The following PTPRD variants were observed in gnomAD, a reference collection of about 807,000 sequenced individuals.
The protein encoded by PTPRD is protein tyrosine phosphatase receptor type D.
Under a neutral mutation model 214.5 loss-of-function variants are expected in PTPRD, and 34 were observed. The observed-to-expected ratio is 0.16, with a 90% CI of 0.12 to 0.21. PTPRD has a LOEUF of 0.21. Among genes scored for constraint, PTPRD ranks in the 10% least tolerant of loss-of-function variants. PTPRD has a pLI of 1.00. For missense variants in PTPRD, 2,545 were observed against 2,398.7 expected (o/e 1.06, Z -1.27); for synonymous variants, 1,128 against 845.7 (o/e 1.33, Z -5.79).
chr9:10,169,017 C>G (rs568201856), intron 3 of PTPRD, among the ~76,000 whole-genome samples: 4 of 152,148 alleles, frequency 2.6e-5, no homozygotes, highest in African/African-American at 7.2e-5. Flanking sequence ...GGAAATAATT[C>G]ATCCTAAAAA....
chr9:8,774,683 C>T (rs1046119588), intron 11 of PTPRD, among the ~76,000 whole-genome samples: 4 of 151,820 alleles, frequency 2.6e-5, no homozygotes, highest in South Asian at 2.1e-4. Flanking sequence ...TACAGGCATG[C>T]GCCACCACAC....
At chr9:9,567,344 T>A (rs1428040739) in intron 8 of PTPRD, among the ~76,000 whole-genome samples, 1 of 151,906 alleles carries the variant, frequency 6.6e-6, no homozygotes, top group Non-Finnish European at 1.5e-5. Context: ...AACATAGGTA[T>A]GCCGGTCTCA....
chr9:9,121,382 A>G (rs1364999426), intron 10 of PTPRD, among the ~76,000 whole-genome samples: 1 of 152,194 alleles, frequency 6.6e-6, no homozygotes, highest in African/African-American at 2.4e-5. Context: ...ACGCATGTTT[A>G]TAGCAGCACA....
intron 11 of PTPRD, among the ~76,000 whole-genome samples, chr9:8,940,536 A>T (rs2099027211): frequency 6.9e-6 from 1 of 144,858 alleles, no homozygotes; most frequent in African/African-American, 2.6e-5. Flanking sequence ...CAGGTGATCC[A>T]CCTGCCCTTG....
intron 35 of PTPRD, among the ~76,000 whole-genome samples, chr9:8,407,208 C>T (rs1169108117): frequency 6.6e-6 from 1 of 152,052 alleles, no homozygotes; most frequent in Non-Finnish European, 1.5e-5. Flanking sequence ...GAGATGAAGA[C>T]CAACAAATAA....
At chr9:8,529,929 G>C (rs2075253190) in intron 14 of PTPRD, among the ~76,000 whole-genome samples, 2 of 152,116 alleles carry the variant, frequency 1.3e-5, no homozygotes, top group Admixed American at 6.5e-5. Flanking sequence ...TTCCAATTGA[G>C]TCTGGCATTG....
chr9:10,145,735 A>C (rs554023747), intron 3 of PTPRD, among the ~76,000 whole-genome samples: 97 of 152,216 alleles, frequency 6.4e-4, no homozygotes, highest in Non-Finnish European at 1.2e-3. Context: ...AAACACATAT[A>C]CTACACGTAT....
chr9:8,874,646 C>T (rs1228875745), intron 11 of PTPRD, among the ~76,000 whole-genome samples: 1 of 152,106 alleles, frequency 6.6e-6, no homozygotes. Flanking sequence ...ATGGAAATTG[C>T]ATTGGAGTTG....
At chr9:8,401,884 T>C (rs919226740) in intron 36 of PTPRD, among the ~76,000 whole-genome samples, 3 of 152,094 alleles carry the variant, frequency 2.0e-5, no homozygotes, top group East Asian at 1.9e-4. Flanking sequence ...GTTAGTAACA[T>C]TGGTTGGAAC....
intron 3 of PTPRD, among the ~76,000 whole-genome samples, chr9:10,167,971 C>G (rs532024438): frequency 1.3e-5 from 2 of 152,178 alleles, no homozygotes; most frequent in Admixed American, 6.5e-5. Flanking sequence ...TCAATCTGAA[C>G]TGTATGGACA....
chr9:10,067,099 C>G (rs1202521700), intron 3 of PTPRD, among the ~76,000 whole-genome samples: 1 of 151,896 alleles, frequency 6.6e-6, no homozygotes, highest in Non-Finnish European at 1.5e-5. Context: ...CAAGTAAGTA[C>G]TAATGGATGG....
At chr9:9,471,032 G>T (rs926886278) in intron 8 of PTPRD, among the ~76,000 whole-genome samples, 6 of 152,240 alleles carry the variant, frequency 3.9e-5, no homozygotes, top group African/African-American at 1.4e-4. Context: ...GAAATATCAG[G>T]TTGTAACATG....
chr9:9,939,454 C>A (rs1311837258), intron 4 of PTPRD, among the ~76,000 whole-genome samples: 1 of 152,130 alleles, frequency 6.6e-6, no homozygotes. Context: ...GAGTTTGTTG[C>A]TGAACTGAAT....
chr9:9,180,992 A>T (rs185111942), intron 10 of PTPRD, among the ~76,000 whole-genome samples: 1 of 152,224 alleles, frequency 6.6e-6, no homozygotes, highest in Admixed American at 6.6e-5. Flanking sequence ...GCACTTTTGG[A>T]CTTGGCTCAG....
intron 10 of PTPRD, among the ~76,000 whole-genome samples, chr9:9,102,731 G>A (rs1417170615): frequency 5.3e-5 from 8 of 152,326 alleles, no homozygotes; most frequent in Middle Eastern, 3.4e-3. Flanking sequence ...ACTGTTATAA[G>A]TGACCCTGAT....
At chr9:8,444,114 G>A (rs1368519786) in intron 34 of PTPRD, among the ~76,000 whole-genome samples, 1 of 152,092 alleles carries the variant, frequency 6.6e-6, no homozygotes, top group African/African-American at 2.4e-5. Flanking sequence ...TGTCTGACAT[G>A]CAGAAATAGC....
chr9:9,689,457 G>T (rs1242838858), intron 7 of PTPRD, among the ~76,000 whole-genome samples: 2 of 151,684 alleles, frequency 1.3e-5, no homozygotes, highest in Admixed American at 6.6e-5. Flanking sequence ...ATATATCTAT[G>T]ATCTTAAATA....
chr9:10,275,261 G>C (rs10958995), intron 3 of PTPRD, among the ~76,000 whole-genome samples: 8,067 of 152,142 alleles, frequency 0.053, 243 homozygotes, highest in Middle Eastern at 0.092. Flanking sequence ...AGTTTCTTAA[G>C]TAAAGGAAAC....
At chr9:8,984,860 T>A (rs143948197) in intron 11 of PTPRD, among the ~76,000 whole-genome samples, 53 of 152,254 alleles carry the variant, frequency 3.5e-4, no homozygotes, top group Non-Finnish European at 7.2e-4. Flanking sequence ...TCTCTTTAAT[T>A]CTTTTAACAT....
Sources: gnomAD v4.1 joint callset for allele counts (sites outside exome capture counted in the v4.1 genomes callset) on GRCh38, gnomAD v4.1.1 for gene constraint, MANE v1.5 for transcripts, NCBI Gene and HGNC (gene_info 2026-07-23, HGNC 2026-07-21) for gene names.